The following DUS2 variants were observed in gnomAD, a reference collection of about 807,000 sequenced individuals.
DUS2 encodes the protein tRNA-dihydrouridine(20) synthase [NAD(P)+]-like.
DUS2 carries 52 observed loss-of-function variants against 71.3 expected under a neutral mutation model. The ratio of observed to expected loss-of-function variants is 0.73; its 90% confidence interval spans 0.58 to 0.92. DUS2 has a LOEUF of 0.92. Ranked by LOEUF, DUS2 falls within the 40% of genes least tolerant of loss-of-function variation. The probability of loss-of-function intolerance (pLI) is 0.00; values close to 1 mark genes in which losing one functional copy is unlikely to be tolerated. For missense variants in DUS2, 558 were observed against 622.6 expected, an observed-to-expected ratio of 0.90 and a Z score of 1.10; for synonymous variants, 204 against 227.8, an observed-to-expected ratio of 0.90 and a Z score of 0.94.
At chr16:68,053,004 C>T (rs568274827) in intron 4 of DUS2, among the ~76,000 whole-genome samples, 1 of 151,592 alleles carries the variant, frequency 6.6e-6, no homozygotes, top group South Asian at 2.1e-4. Context: ...GCTCTGTCGC[C>T]CAGGCTGGAG....
At chr16:68,048,398 G>T (rs1479655391) in intron 3 of DUS2, among the ~76,000 whole-genome samples, 1 of 152,036 alleles carries the variant, frequency 6.6e-6, no homozygotes, top group Non-Finnish European at 1.5e-5. Context: ...CTGGCTACTG[G>T]GGCTCTGAGT....
Position 68,037,503 on chromosome 16 carries a change from C to T in DUS2, c.-18-503C>T, listed in dbSNP as rs981325240. Among the ~76,000 whole-genome samples, 14 of 151,460 alleles carry T rather than the reference C, an allele frequency of 9.2e-5. No homozygotes were observed. The South Asian group carries it at 1.3e-3, about 14-fold the overall frequency. ...TGCCATGTTGTCTGACTGCAACCTC[C>T]GCCTCCCAGGTTCAAACAATTCTCC... On this transcript the variant is annotated intron_variant, in intron 2 of 16. Coordinates refer to ENST00000565263, the MANE Select transcript of DUS2 (RefSeq NM_017803.5).
intron 2 of DUS2, among the ~76,000 whole-genome samples, chr16:68,035,444 A>G (rs899839742): frequency 1.4e-5 from 2 of 147,122 alleles, no homozygotes; most frequent in African/African-American, 2.5e-5. Context: ...GTTTAGCGGT[A>G]TTATCATATC....
chr16:68,041,214 A>C (rs1354151487), intron 3 of DUS2, among the ~76,000 whole-genome samples: 1 of 152,132 alleles, frequency 6.6e-6, no homozygotes, highest in Non-Finnish European at 1.5e-5. Flanking sequence ...CGACAGAACA[A>C]AACAAAACAA....
chr16:68,040,102 A>T (rs201501666), intron 3 of DUS2, among the ~76,000 whole-genome samples: 9 of 145,352 alleles, frequency 6.2e-5, no homozygotes, highest in African/African-American at 2.3e-4. Flanking sequence ...TTTTTTTTTT[A>T]AGACAGTGTC....
At chr16:68,054,653 C>T (rs2033826485) in intron 6 of DUS2, 36 bp downstream of exon 6, 1 of 1,613,408 alleles carries the variant, frequency 6.2e-7, no homozygotes, top group Non-Finnish European at 8.5e-7. Flanking sequence ...CTGCCTTTGC[C>T]TCTCCTTTGA....
intron 10 of DUS2, among the ~76,000 whole-genome samples, chr16:68,067,464 T>TAG (rs2034027158): frequency 6.7e-6 from 1 of 149,316 alleles, no homozygotes; most frequent in Non-Finnish European, 1.5e-5. Flanking sequence ...ATATTTTTAG[T>TAG]AGAGACAGGG....
At chr16:68,070,554 G>A (rs747992553) in intron 11 of DUS2, among the ~76,000 whole-genome samples, 2 of 152,096 alleles carry the variant, frequency 1.3e-5, no homozygotes. Context: ...TGTTCCTCTC[G>A]CCAGGGTTTT....
At chr16:68,043,470 T>C (rs972314595) in intron 3 of DUS2, among the ~76,000 whole-genome samples, 2 of 151,696 alleles carry the variant, frequency 1.3e-5, no homozygotes, top group Admixed American at 6.6e-5. Flanking sequence ...GGCTCACTTA[T>C]TGTTTTTTTG....
At chr16:68,041,465 G>A (rs1378453083) in intron 3 of DUS2, among the ~76,000 whole-genome samples, 2 of 152,016 alleles carry the variant, frequency 1.3e-5, no homozygotes, top group Non-Finnish European at 2.9e-5. Context: ...TAGGATCAAG[G>A]GACAAGGCAA....
chr16:68,038,232 GTGGGGACAGAA>G (rs2033564221), intron 3 of DUS2, 83 bp downstream of exon 3: 3 of 1,569,372 alleles, frequency 1.9e-6, no homozygotes, highest in Non-Finnish European at 2.6e-6. Context: ...TCAGGAGTTA[GTGGGGACAGAA>G]TGGGAATTGA....
At chr16:68,057,754 G>T (rs1253141371) in intron 7 of DUS2, among the ~76,000 whole-genome samples, 2 of 151,954 alleles carry the variant, frequency 1.3e-5, no homozygotes, top group Non-Finnish European at 2.9e-5. Flanking sequence ...GGTGGTGTGT[G>T]CCTGTAATCC....
At position 68,038,111 on chromosome 16, in the gene DUS2, C is replaced by T. The variant is rs370838996; in HGVS notation, c.88C>T (p.Leu30=). The T allele has an allele frequency of 1.4e-5, 22 of 1,613,842 alleles. No individual in the cohort carries two copies. The Middle Eastern group carries it at 8.2e-4, about 60-fold the overall frequency. ...GGTAGGGACTCTTCCAATGAGGCTG[C>T]TGGCCCTGGATTATGGAGCGGACAT... ...VRVGTLPMRL[L]ALDYGADIVY... The change falls in exon 3 of 17, where the codon CTG becomes TTG. Residue 30 remains leucine, a synonymous_variant. Coordinates refer to ENST00000565263, the MANE Select transcript of DUS2 (RefSeq NM_017803.5).
chr16:68,061,756 C>T (rs1326462686), intron 8 of DUS2, among the ~76,000 whole-genome samples: 27 of 152,228 alleles, frequency 1.8e-4, no homozygotes, highest in Non-Finnish European at 4.0e-4. Context: ...TCTATCGCTA[C>T]TTCCCTGTCT....
At chr16:68,040,126 C>T (rs991814230) in intron 3 of DUS2, among the ~76,000 whole-genome samples, 2 of 151,522 alleles carry the variant, frequency 1.3e-5, no homozygotes, top group East Asian at 1.9e-4. Context: ...CTCTGCCTTC[C>T]GAGGCTGGAG....
chr16:68,037,168 T>G (rs1365672165), intron 2 of DUS2, among the ~76,000 whole-genome samples: 1 of 138,476 alleles, frequency 7.2e-6, no homozygotes, highest in Admixed American at 7.2e-5. Flanking sequence ...TTTTTGTCTG[T>G]TTTTTTTTTT....
intron 2 of DUS2, among the ~76,000 whole-genome samples, chr16:68,035,929 T>TATATATATATACATAC (rs1416625748): frequency 9.2e-6 from 1 of 108,574 alleles, no homozygotes; most frequent in African/African-American, 3.9e-5. Context: ...TATATATATA[T>TATATATATATACATAC]ACACACATAC....
At chr16:68,049,451 A>C in intron 3 of DUS2, 54 bp from the exon 4 acceptor site, 2 of 1,592,030 alleles carry the variant, frequency 1.3e-6, no homozygotes, top group Non-Finnish European at 1.7e-6. Flanking sequence ...AAAATCCTTC[A>C]TGCCCAGAGC....
chr16:68,070,372 G>T (rs1389028240), intron 11 of DUS2, 152 bp downstream of exon 11: 14 of 666,976 alleles, frequency 2.1e-5, no homozygotes, highest in Admixed American at 5.1e-5. Flanking sequence ...TCCTTCTGCT[G>T]CCACCTGAGA....
Sources: gnomAD v4.1 joint callset for allele counts (sites outside exome capture counted in the v4.1 genomes callset) on GRCh38, gnomAD v4.1.1 for gene constraint, MANE v1.5 for transcripts, NCBI Gene and HGNC (gene_info 2026-07-23, HGNC 2026-07-21) for gene names.